ANKRD45: variants seen among roughly 807,000 people sequenced by gnomAD.
The protein encoded by ANKRD45 is ankyrin repeat domain-containing protein 45.
In ANKRD45, 21 loss-of-function variants were observed where a neutral mutation model predicts 28.1. The observed-to-expected ratio is 0.75, with a 90% CI of 0.53 to 1.08. ANKRD45 has a LOEUF of 1.08. Ranked by LOEUF, ANKRD45 falls within the 50% of genes least tolerant of loss-of-function variation. ANKRD45 has a pLI of 0.00. For missense variants in ANKRD45, 261 were observed against 308.7 expected, an observed-to-expected ratio of 0.85 and a Z score of 1.16; for synonymous variants, 86 against 103.9, an observed-to-expected ratio of 0.83 and a Z score of 1.05.
the ANKRD45 span, among the ~76,000 whole-genome samples, chr1:173,685,961 C>T: frequency 2.0e-5 from 3 of 152,060 alleles, no homozygotes; most frequent in East Asian, 1.9e-4. Flanking sequence ...TTACAAAAAC[C>T]GGTTGGGGCA....
At chr1:173,662,140 T>A (rs1669804213) in intron 1 of ANKRD45, among the ~76,000 whole-genome samples, 1 of 152,128 alleles carries the variant, frequency 6.6e-6, no homozygotes, top group Non-Finnish European at 1.5e-5. Context: ...CACAAATGAA[T>A]GGGTGTGGCT....
intron 3 of ANKRD45, among the ~76,000 whole-genome samples, chr1:173,640,620 G>C (rs1668657688): frequency 6.6e-6 from 1 of 152,044 alleles, no homozygotes; most frequent in Non-Finnish European, 1.5e-5. Context: ...ACTCACCTCA[G>C]ACCATTGCCT....
At chr1:173,654,163 T>C (rs7513933) in intron 2 of ANKRD45, among the ~76,000 whole-genome samples, 52,480 of 151,938 alleles carry the variant, frequency 0.35, 13,100 homozygotes, top group African/African-American at 0.71. Flanking sequence ...TTATTTTGCC[T>C]GTTAGTTGAT....
intron 3 of ANKRD45, among the ~76,000 whole-genome samples, chr1:173,640,455 C>T (rs1571735322): frequency 6.6e-6 from 1 of 152,114 alleles, no homozygotes. Flanking sequence ...GTTAAGAAAG[C>T]AGCTTCCTCG....
intron 3 of ANKRD45, among the ~76,000 whole-genome samples, chr1:173,642,552 G>A (rs1040125720): frequency 6.6e-6 from 1 of 152,194 alleles, no homozygotes; most frequent in Non-Finnish European, 1.5e-5. Flanking sequence ...TTTACTCAAA[G>A]ACCTGTGCTA....
chr1:173,658,002 A>G (rs1157422797), intron 2 of ANKRD45: 1 of 152,128 alleles, frequency 6.6e-6, no homozygotes, highest in Non-Finnish European at 1.5e-5. Flanking sequence ...AATTTTCATT[A>G]TATCTTCTGT....
chr1:173,639,636 A>T (rs1204679920), intron 3 of ANKRD45, among the ~76,000 whole-genome samples: 1 of 152,176 alleles, frequency 6.6e-6, no homozygotes, highest in African/African-American at 2.4e-5. Context: ...TGTTAAGAAA[A>T]CCAACAAACA....
At chr1:173,682,556 G>A in the ANKRD45 span, among the ~76,000 whole-genome samples, 1 of 151,954 alleles carries the variant, frequency 6.6e-6, no homozygotes, top group Non-Finnish European at 1.5e-5. Flanking sequence ...CAAGAGAAAG[G>A]AGAGGCAGCA....
At chr1:173,701,240 CCATTGTGGAAGA>C in the ANKRD45 span, among the ~76,000 whole-genome samples, 3 of 152,176 alleles carry the variant, frequency 2.0e-5, no homozygotes, top group Non-Finnish European at 4.4e-5. Context: ...ACTAGTTCAA[CCATTGTGGAAGA>C]CAGTGTGGCA....
the ANKRD45 span, among the ~76,000 whole-genome samples, chr1:173,681,564 T>A: frequency 4.6e-5 from 7 of 152,318 alleles, no homozygotes; most frequent in East Asian, 1.3e-3. Context: ...AAGTACATCT[T>A]ATAGATTCAT....
rs1351871518 is a variant in ANKRD45 at position 173,608,710 on chromosome 1, T to G, written c.*1435A>C. 6.7e-6 allele frequency among the ~76,000 whole-genome samples: 1 copy of G among 149,798 alleles called. No homozygotes were observed. Among genetic ancestry groups the G allele is most frequent in the African/African-American group, 2.5e-5 (1 of 40,312 alleles). On this transcript the variant is annotated 3_prime_UTR_variant, in exon 6 of 6. Coordinates refer to ENST00000333279, the MANE Select transcript of ANKRD45 (RefSeq NM_198493.3). ...TACAGTGAGCTATGATCATGATAAC[T>G]CCACTGCATTCCAGCCTGGGCAGGA...
chr1:173,609,074 A>G lies in ANKRD45; in HGVS notation c.*1071T>C, dbSNP rs901243287. 2.0e-5 allele frequency among the ~76,000 whole-genome samples: 3 copies of G among 152,088 alleles called. No individual in the cohort carries two copies. The highest frequency in any genetic ancestry group is 7.2e-5 in the African/African-American group (3 of 41,432). On this transcript the variant is annotated 3_prime_UTR_variant, in exon 6 of 6. Transcript: ENST00000333279. ...TCCATAAACACCCACTGGGTCGGCC[A>G]AAAAGGTGGCTGAAAGTTATTGCAG...
intron 5 of ANKRD45, among the ~76,000 whole-genome samples, chr1:173,618,143 G>A (rs1262836493): frequency 6.6e-6 from 1 of 152,160 alleles, no homozygotes; most frequent in Non-Finnish European, 1.5e-5. Context: ...TCCATTCAAA[G>A]GTCAGCAACC....
At chr1:173,615,336 G>A (rs2102312464) in intron 5 of ANKRD45, among the ~76,000 whole-genome samples, 1 of 143,608 alleles carries the variant, frequency 7.0e-6, no homozygotes, top group Admixed American at 7.2e-5. Context: ...AATGAGCTGA[G>A]ATTGCGCCAC....
chr1:173,610,039 T>G lies in ANKRD45; in HGVS notation c.*106A>C, dbSNP rs1667073807. The G allele has an allele frequency of 3.4e-6, 4 of 1,172,782 alleles. No homozygotes were observed. The Admixed American group carries it at 5.7e-5, about 17-fold the overall frequency. 72.6% of individuals were successfully genotyped at this position (1,172,782 alleles called of 1,614,324 possible). On this transcript the variant is annotated 3_prime_UTR_variant, in exon 6 of 6. Coordinates refer to ENST00000333279, the MANE Select transcript of ANKRD45 (RefSeq NM_198493.3). ...AAACAAGGGCGATGTAATGTTGTAC[T>G]TAAATACTTAAAGAAACCCACATCT...
chr1:173,702,563 G>A, the ANKRD45 span, among the ~76,000 whole-genome samples: 1 of 151,936 alleles, frequency 6.6e-6, no homozygotes, highest in Admixed American at 6.6e-5. Context: ...AACAGCTTTA[G>A]GTGAATGTGG....
chr1:173,614,484 G>T (rs908309402), intron 5 of ANKRD45, among the ~76,000 whole-genome samples: 9 of 152,150 alleles, frequency 5.9e-5, no homozygotes, highest in African/African-American at 2.2e-4. Flanking sequence ...CTTCAGTAAA[G>T]TGGAATTCTT....
chr1:173,635,853 C>T (rs577259261), intron 3 of ANKRD45: 74 of 1,512,648 alleles, frequency 4.9e-5, no homozygotes, highest in African/African-American at 2.6e-4. Context: ...AAGGTGAATT[C>T]GTGATACAAG....
the ANKRD45 span, among the ~76,000 whole-genome samples, chr1:173,689,209 C>T: frequency 6.6e-6 from 1 of 152,148 alleles, no homozygotes; most frequent in Non-Finnish European, 1.5e-5. Context: ...TCTTGTCCTT[C>T]CTCCCTCTTA....
Sources: gnomAD v4.1 joint callset for allele counts (sites outside exome capture counted in the v4.1 genomes callset) on GRCh38, gnomAD v4.1.1 for gene constraint, MANE v1.5 for transcripts, NCBI Gene and HGNC (gene_info 2026-07-23, HGNC 2026-07-21) for gene names.